BRCA2: variants seen among roughly 807,000 people sequenced by gnomAD.
BRCA2 encodes BRCA2 DNA repair associated, also known as breast cancer type 2 susceptibility protein.
Under a neutral mutation model 276.7 loss-of-function variants are expected in BRCA2, and 203 were observed. The observed-to-expected ratio is 0.73, with a 90% CI of 0.65 to 0.82. The LOEUF (loss-of-function observed/expected upper bound fraction) is 0.82, where lower values mean the gene tolerates loss of function less well. Among genes scored for constraint, BRCA2 ranks in the 40% least tolerant of loss-of-function variants. The pLI is 0.00. For synonymous variants in BRCA2, 1,289 were observed against 1,338.4 expected (o/e 0.96, Z 0.81); for missense variants, 3,920 against 3,915.0 (o/e 1.00, Z -0.03).
intron 10 of BRCA2, among the ~76,000 whole-genome samples, chr13:32,335,361 A>G (rs1398667122): frequency 6.6e-6 from 1 of 151,886 alleles, no homozygotes; most frequent in East Asian, 1.9e-4. Context: ...AAAAAAAAAA[A>G]AAGCTAATAC....
intron 13 of BRCA2, among the ~76,000 whole-genome samples, chr13:32,349,780 A>C (rs1343396907): frequency 1.4e-5 from 2 of 143,414 alleles, no homozygotes; most frequent in Admixed American, 7.6e-5. Flanking sequence ...GCGCCACTGC[A>C]CTCCAGCCTG....
intron 12 of BRCA2, among the ~76,000 whole-genome samples, chr13:32,346,255 A>C (rs1413059319): frequency 6.6e-6 from 1 of 151,900 alleles, no homozygotes; most frequent in Non-Finnish European, 1.5e-5. Flanking sequence ...TTTCTTACTC[A>C]AAAGATACAG....
Position 32,339,544 on chromosome 13 carries a change from A to G in BRCA2, c.5189A>G (p.Asn1730Ser), listed in dbSNP as rs766080044. Residue 1730 changes from asparagine (N) to serine (S), a missense_variant, in exon 11 of 27, where the codon AAT (asparagine) becomes AGT (serine). Coordinates refer to ENST00000380152, the MANE Select transcript of BRCA2 (RefSeq NM_000059.4). ...SNSTIAENDKNHLSEKQDTYL... is the reference protein window; with the variant it reads ...SNSTIAENDKSHLSEKQDTYL... ...AGTACTATAGCTGAAAATGACAAAA[A>G]TCATCTCTCCGAAAAACAAGATACT... is the stretch of plus-strand genomic sequence containing the variant. 2 of 1,605,908 alleles carry G rather than the reference A, an allele frequency of 1.2e-6. No individual in the cohort carries two copies. The highest frequency in any genetic ancestry group is 4.5e-5 in the East Asian group (2 of 44,804).
chr13:32,397,521 A>G (rs1265591025), intron 26 of BRCA2, among the ~76,000 whole-genome samples: 2 of 152,258 alleles, frequency 1.3e-5, no homozygotes, highest in South Asian at 2.1e-4. Flanking sequence ...AACATTGTCA[A>G]TAGGTTTTTG....
chr13:32,382,866 A>G (rs760435866), intron 24 of BRCA2, among the ~76,000 whole-genome samples: 1 of 152,226 alleles, frequency 6.6e-6, no homozygotes, highest in Non-Finnish European at 1.5e-5. Context: ...ACTGTGTGGT[A>G]TGGTATCTAG....
chr13:32,349,894 C>A (rs911420563), intron 13 of BRCA2, among the ~76,000 whole-genome samples: 3 of 151,210 alleles, frequency 2.0e-5, no homozygotes, highest in African/African-American at 7.3e-5. Context: ...TGAAAAGAAC[C>A]AGAGGCTTAT....
intron 13 of BRCA2, among the ~76,000 whole-genome samples, chr13:32,347,889 C>T (rs2072622351): frequency 6.6e-6 from 1 of 152,124 alleles, no homozygotes; most frequent in Admixed American, 6.5e-5. Context: ...TAGTGCTTCA[C>T]TTTTAAATAA....
chr13:32,384,686 G>T (rs188463500), intron 24 of BRCA2: 6 of 232,556 alleles, frequency 2.6e-5, no homozygotes, highest in Middle Eastern at 4.9e-4. Flanking sequence ...ATGATCATCA[G>T]GTCAAGGATA....
intron 16 of BRCA2, among the ~76,000 whole-genome samples, chr13:32,359,222 G>GAAAAAAAAAAAAAA (rs67041705): frequency 9.3e-6 from 1 of 107,428 alleles, no homozygotes; most frequent in East Asian, 2.7e-4. Context: ...TCCATCTCAA[G>GAAAAAAAAAAAAAA]AAAAAAAAAA....
At chr13:32,383,626 A>G (rs954863709) in intron 24 of BRCA2, among the ~76,000 whole-genome samples, 5 of 152,220 alleles carry the variant, frequency 3.3e-5, no homozygotes, top group African/African-American at 1.2e-4. Context: ...AAGAAGGGCA[A>G]AGAATTTGGG....
Position 32,396,252 on chromosome 13 carries a change from G to A in BRCA2, c.9502-646G>A, listed in dbSNP as rs530806412. The A allele has an allele frequency of 1.6e-4, 26 of 165,572 alleles. 1 individual carries two copies. The South Asian group carries it at 3.9e-3, about 25-fold the overall frequency. The allele number at this position is 165,572 out of a possible 1,614,324, so 10.3% of individuals were successfully genotyped here. On this transcript the variant is annotated intron_variant, in intron 25 of 26. Transcript: ENST00000380152. ...GCCTCCCCAAGTACTGGGTTTACAG[G>A]CATGAGCCACCGAGCCCGCATTTTC...
At chr13:32,386,045 G>T in intron 24 of BRCA2, 1 of 193,120 alleles carries the variant, frequency 5.2e-6, no homozygotes, top group East Asian at 1.2e-4. Context: ...TGAAGCTCTA[G>T]AGTACTGTGA....
Position 32,333,194 on chromosome 13 carries a change from A to G in BRCA2, c.1716A>G (p.Val572=), listed in dbSNP as rs1555282031. 6.2e-7 allele frequency: 1 copy of G among 1,613,964 alleles called. No individual in the cohort carries two copies. Among genetic ancestry groups the G allele is most frequent in the Admixed American group, 1.7e-5 (1 of 60,018 alleles). ...SWPATTTQNS[V]ALKNAGLIST... is the part of the protein sequence containing the mutation. ...CAGCCACCACCACACAGAATTCTGT[A>G]GCTTTGAAGAATGCAGGTTTAATAT... Residue 572 remains valine (V), a synonymous_variant, in exon 10 of 27, where the codon GTA becomes GTG. Coordinates refer to ENST00000380152, the MANE Select transcript of BRCA2 (RefSeq NM_000059.4).
chr13:32,396,702 C>G lies in BRCA2; in HGVS notation c.9502-196C>G, dbSNP rs754368242. ...TTTTTCTCTGTTCCCCTCTCCCTAT[C>G]AGCTAGATTCCCCTAAATCACTGAT... On this transcript the variant is annotated intron_variant, in intron 25 of 26. Transcript: ENST00000380152. The G allele has an allele frequency of 1.4e-5, 9 of 627,116 alleles. No individual in the cohort carries two copies. The South Asian group carries it at 1.5e-4, about 11-fold the overall frequency. The allele number at this position is 627,116 out of a possible 1,614,324, so 38.8% of individuals were successfully genotyped here. A position where few individuals can be genotyped will look rare whatever the true frequency, so the allele number is the denominator to read the frequency against.
Position 32,344,468 on chromosome 13 carries a change from C to T in BRCA2, c.6842-90C>T, listed in dbSNP as rs2072595799. On this transcript the variant is annotated intron_variant, in intron 11 of 26. Transcript: ENST00000380152. ...TTGTTTAACATTTAAAGAGTCAATA[C>T]TTTAGCTTTAAAAAAATGGTCTATA... is the stretch of plus-strand genomic sequence containing the variant. 3.7e-6 allele frequency: 3 copies of T among 801,574 alleles called. No homozygotes were observed. In the South Asian group the frequency reaches 4.9e-5, roughly 13 times the overall value. The allele number at this position is 801,574 out of a possible 1,614,324, so 49.7% of individuals were successfully genotyped here.
chr13:32,344,512 CTG>C (rs1234027209), intron 11 of BRCA2, 44 bp from the exon 12 acceptor site: 3 of 1,250,236 alleles, frequency 2.4e-6, no homozygotes, highest in Non-Finnish European at 2.3e-6. Flanking sequence ...AGAAATAAAA[CTG>C]ATATTATTTG....
chr13:32,350,947 G>A (rs1358822016), intron 13 of BRCA2, among the ~76,000 whole-genome samples: 6 of 152,048 alleles, frequency 3.9e-5, no homozygotes, highest in Non-Finnish European at 7.4e-5. Flanking sequence ...ACACCAATCA[G>A]CGCTCTGTGT....
intron 24 of BRCA2, among the ~76,000 whole-genome samples, chr13:32,392,049 G>A (rs1272231453): frequency 6.6e-6 from 1 of 152,098 alleles, no homozygotes; most frequent in Non-Finnish European, 1.5e-5. Flanking sequence ...TATAATTAGA[G>A]GCAAGTTCCA....
intron 7 of BRCA2, among the ~76,000 whole-genome samples, chr13:32,327,173 T>G (rs1053366850): frequency 6.6e-6 from 1 of 152,198 alleles, no homozygotes; most frequent in African/African-American, 2.4e-5. Flanking sequence ...GTAGGCTGGT[T>G]GCAGTGGCTC....
Sources: allele counts gnomAD v4.1 joint callset (sites outside exome capture counted in the v4.1 genomes callset), GRCh38; gene constraint gnomAD v4.1.1; transcripts MANE v1.5; gene names NCBI Gene and HGNC (gene_info 2026-07-23, HGNC 2026-07-21).